FOXK1: variants seen among roughly 807,000 people sequenced by gnomAD.
FOXK1 encodes the protein forkhead box protein K1.
In FOXK1, 19 loss-of-function variants were observed where a neutral mutation model predicts 51.9. The ratio of observed to expected loss-of-function variants is 0.37; its 90% CI spans 0.26 to 0.54. The LOEUF (loss-of-function observed/expected upper bound fraction) is 0.54. Ranked by LOEUF, FOXK1 falls within the 20% of genes least tolerant of loss-of-function variation. The pLI is 0.87. For missense variants in FOXK1, 870 were observed against 1,032.7 expected (o/e 0.84, Z 2.16); for synonymous variants, 537 against 482.6 (o/e 1.11, Z -1.48).
intron 1 of FOXK1, among the ~76,000 whole-genome samples, chr7:4,708,698 G>A (rs1189525578): frequency 6.6e-6 from 1 of 152,180 alleles, no homozygotes; most frequent in Non-Finnish European, 1.5e-5. Context: ...CCCAGCCTGG[G>A]GTGAACTTCA....
rs924836038 is a variant in FOXK1 at position 4,743,553 on chromosome 7, G to C, written c.746+2530G>C. Among the ~76,000 whole-genome samples the C allele has an allele frequency of 6.6e-6, 1 of 152,186 alleles. No homozygotes were observed. Among genetic ancestry groups the C allele is most frequent in the African/African-American group, 2.4e-5 (1 of 41,450 alleles). Reference sequence around the variant, plus strand: ...CGATAGAGCGAGACTCCATTTCTCAGTAAATAAATAAATGGTGAATTTTAT... The same window carrying C: ...CGATAGAGCGAGACTCCATTTCTCACTAAATAAATAAATGGTGAATTTTAT... On this transcript the variant is annotated intron_variant, in intron 2 of 8. Coordinates refer to ENST00000328914, the MANE Select transcript of FOXK1 (RefSeq NM_001037165.2). The surrounding 1 kb of genome is among the most constrained non-coding windows in gnomAD (Gnocchi z 5.3).
Position 4,698,274 on chromosome 7 carries a change from T to C in FOXK1, c.560+15406T>C, listed in dbSNP as rs182611934. ...GTTTAGCGTTTTCTCTATATATGTA[T>C]GTTATCTGAGAGTGCGATTTTATAT... On this transcript the variant is annotated intron_variant, in intron 1 of 8. Transcript: ENST00000328914. 2.0e-5 allele frequency among the ~76,000 whole-genome samples: 3 copies of C among 151,982 alleles called. No homozygotes were observed. The East Asian group carries it at 5.8e-4, about 29-fold the overall frequency.
At chr7:4,750,043 T>C (rs1780754914) in intron 2 of FOXK1, among the ~76,000 whole-genome samples, 1 of 152,162 alleles carries the variant, frequency 6.6e-6, no homozygotes, top group Non-Finnish European at 1.5e-5. Flanking sequence ...TGAGCACAGC[T>C]CCGGGAGACC....
intron 1 of FOXK1, among the ~76,000 whole-genome samples, chr7:4,721,451 C>T (rs1212513356): frequency 6.6e-6 from 1 of 152,158 alleles, no homozygotes; most frequent in African/African-American, 2.4e-5. Flanking sequence ...TTCTAATCTC[C>T]AGGCGTCGGC....
chr7:4,759,860 G>T, intron 7 of FOXK1: 1 of 554,792 alleles, frequency 1.8e-6, no homozygotes, highest in Non-Finnish European at 3.2e-6. Context: ...CTGAAACCCC[G>T]TCTCTACTGA....
At chr7:4,705,805 G>A (rs1166123342) in intron 1 of FOXK1, among the ~76,000 whole-genome samples, 1 of 150,402 alleles carries the variant, frequency 6.6e-6, no homozygotes, top group African/African-American at 2.5e-5. Context: ...TCTCAAAGTG[G>A]GATTACATGT....
rs925869974 is a variant in FOXK1 at position 4,749,729 on chromosome 7, G to A, written c.747-4730G>A. On this transcript the variant is annotated intron_variant, in intron 2 of 8. Transcript: ENST00000328914. This position sits in a 1 kb window ranked among gnomAD's most constrained non-coding sequence, Gnocchi z 6.0. ...CTTCTCAGCCTCAGAGCAGAGCCAAGGGCATTGAGGGTGGACTGGAAGGAC... is the reference window on the plus strand; with the variant it reads ...CTTCTCAGCCTCAGAGCAGAGCCAAAGGCATTGAGGGTGGACTGGAAGGAC... Among the ~76,000 whole-genome samples the A allele has an allele frequency of 3.9e-5, 6 of 152,332 alleles. No homozygotes were observed. Among genetic ancestry groups the A allele is most frequent in the East Asian group, 1.9e-4 (1 of 5,180 alleles).
rs115400026 is a variant in FOXK1 at position 4,713,788 on chromosome 7, C to T, written c.561-27050C>T. On this transcript the variant is annotated intron_variant, in intron 1 of 8. Coordinates refer to ENST00000328914, the MANE Select transcript of FOXK1 (RefSeq NM_001037165.2). ...TACAGGCGTGAGCCACCGCACCCAG[C>T]CCCGTGTTTTCTTTTGAGTTTTTTC... 6.8e-3 allele frequency among the ~76,000 whole-genome samples: 1,031 copies of T among 151,966 alleles called. 11 individuals carry two copies. Among genetic ancestry groups the T allele is most frequent in the African/African-American group, 0.024 (1,002 of 41,438 alleles).
intron 1 of FOXK1, among the ~76,000 whole-genome samples, chr7:4,719,176 C>G (rs1002167612): frequency 6.6e-6 from 1 of 151,558 alleles, no homozygotes; most frequent in Non-Finnish European, 1.5e-5. Context: ...CACTCTGTTG[C>G]CCAGCTGGAG....
rs1026993103 is a variant in FOXK1, at chr7:4,745,678, C to A, written c.746+4655C>A. On this transcript the variant is annotated intron_variant, in intron 2 of 8. Coordinates refer to ENST00000328914, the MANE Select transcript of FOXK1 (RefSeq NM_001037165.2). The surrounding 1 kb of genome is among the most constrained non-coding windows in gnomAD (Gnocchi z 4.3). Reference sequence around the variant, plus strand: ...CAGCACTTTGGGAGGCTGAGGCAGGCGGATCACCTGAGGTCAGGAGTTCGA... The same window carrying A: ...CAGCACTTTGGGAGGCTGAGGCAGGAGGATCACCTGAGGTCAGGAGTTCGA... Among the ~76,000 whole-genome samples, 1 of 151,934 alleles carries A rather than the reference C, an allele frequency of 6.6e-6. No individual in the cohort carries two copies. Among genetic ancestry groups the A allele is most frequent in the Non-Finnish European group, 1.5e-5 (1 of 67,996 alleles).
Position 4,733,107 on chromosome 7 carries a change from G to T in FOXK1, c.561-7731G>T, listed in dbSNP as rs1780504171. On this transcript the variant is annotated intron_variant, in intron 1 of 8. Transcript: ENST00000328914. This position sits in a 1 kb window ranked among gnomAD's most constrained non-coding sequence, Gnocchi z 5.0. ...CCTCTTCCTGGATTCTTTCAGTTAGGACGTAGTTTTGATTTTGCAACAAAG... is the reference window on the plus strand; with the variant it reads ...CCTCTTCCTGGATTCTTTCAGTTAGTACGTAGTTTTGATTTTGCAACAAAG... 6.6e-6 allele frequency among the ~76,000 whole-genome samples: 1 copy of T among 152,076 alleles called. No individual in the cohort carries two copies. Among genetic ancestry groups the T allele is most frequent in the African/African-American group, 2.4e-5 (1 of 41,392 alleles).
At chr7:4,694,905 A>G (rs1675358480) in intron 1 of FOXK1, among the ~76,000 whole-genome samples, 1 of 152,220 alleles carries the variant, frequency 6.6e-6, no homozygotes, top group South Asian at 2.1e-4. Flanking sequence ...CCATCCTGTG[A>G]CTTGGATACA....
In FOXK1 at chr7:4,769,485, C is replaced by T. The variant is rs1781067015; in HGVS notation, c.*7021C>T. On this transcript the variant is annotated 3_prime_UTR_variant, in exon 9 of 9. Coordinates refer to ENST00000328914, the MANE Select transcript of FOXK1 (RefSeq NM_001037165.2). This position sits in a 1 kb window ranked among gnomAD's most constrained non-coding sequence, Gnocchi z 4.1. ...ATGGAGTCTCGCTCTATCGCCCAGG[C>T]TGGAGTGCAGTGGCCCAATCTCGGC... 1 of 152,156 alleles carries T rather than the reference C, an allele frequency of 6.6e-6. No individual in the cohort carries two copies. The highest frequency in any genetic ancestry group is 1.5e-5 in the Non-Finnish European group (1 of 68,088). 9.4% of individuals were successfully genotyped at this position (152,156 alleles called of 1,614,324 possible). A position where few individuals can be genotyped will look rare whatever the true frequency, so the allele number is the denominator to read the frequency against.
intron 1 of FOXK1, among the ~76,000 whole-genome samples, chr7:4,705,189 G>C (rs1189096690): frequency 2.0e-5 from 3 of 151,570 alleles, no homozygotes; most frequent in Admixed American, 6.6e-5. Flanking sequence ...GAATTTTATT[G>C]TTTTGTTGCT....
intron 1 of FOXK1, among the ~76,000 whole-genome samples, chr7:4,706,031 T>TATATATACGTATATAC (rs1780095809): frequency 1.8e-5 from 2 of 108,506 alleles, no homozygotes; most frequent in African/African-American, 1.3e-4. Flanking sequence ...TACGTGTATA[T>TATATATACGTATATAC]ACGTGTATAT....
chr7:4,702,192 T>C (rs985689127), intron 1 of FOXK1, among the ~76,000 whole-genome samples: 6 of 152,202 alleles, frequency 3.9e-5, no homozygotes, highest in African/African-American at 1.4e-4. Flanking sequence ...ACATGACAGA[T>C]AAAATTGAGG....
chr7:4,692,170 G>GT (rs1255287734), intron 1 of FOXK1, among the ~76,000 whole-genome samples: 1 of 152,016 alleles, frequency 6.6e-6, no homozygotes, highest in African/African-American at 2.4e-5. Flanking sequence ...AAGAATAAGA[G>GT]TTTTTTTGGT....
rs186255839 is a variant in FOXK1, at chr7:4,683,293, C to T, written c.560+425C>T. On this transcript the variant is annotated intron_variant, in intron 1 of 8. Transcript: ENST00000328914. The surrounding 1 kb of genome is among the most constrained non-coding windows in gnomAD (Gnocchi z 4.5). ...CCTCTTAGACCCCTGACCCAGATCCCTGCTGCTCCCCAGCTCCCATCGGCC... is the reference window on the plus strand; with the variant it reads ...CCTCTTAGACCCCTGACCCAGATCCTTGCTGCTCCCCAGCTCCCATCGGCC... Among the ~76,000 whole-genome samples, 484 of 151,898 alleles carry T rather than the reference C, an allele frequency of 3.2e-3. 1 individual carries two copies. The highest frequency in any genetic ancestry group is 0.011 in the African/African-American group (472 of 41,392).
Position 4,762,772 on chromosome 7 carries a change from G to A in FOXK1, c.*308G>A. The A allele has an allele frequency of 2.7e-6, 1 of 376,142 alleles. No homozygotes were observed. Among genetic ancestry groups the A allele is most frequent in the South Asian group, 3.0e-5 (1 of 33,674 alleles). The allele number at this position is 376,142 out of a possible 1,614,324, so 23.3% of individuals were successfully genotyped here. On this transcript the variant is annotated 3_prime_UTR_variant, in exon 9 of 9. Coordinates refer to ENST00000328914, the MANE Select transcript of FOXK1 (RefSeq NM_001037165.2). This position sits in a 1 kb window ranked among gnomAD's most constrained non-coding sequence, Gnocchi z 5.7. ...CCTGTCGGGCATGGGGAGGAGGTTG[G>A]AGCTCAGCATCTTGAGGAATGTGTC...
Sources: gnomAD v4.1 joint callset for allele counts (sites outside exome capture counted in the v4.1 genomes callset) on GRCh38, gnomAD v4.1.1 for gene constraint, Gnocchi (gnomAD v3.1) non-coding constraint, MANE v1.5 for transcripts, NCBI Gene and HGNC (gene_info 2026-07-23, HGNC 2026-07-21) for gene names.